The following MND1 variants were observed in gnomAD, a reference collection of about 807,000 sequenced individuals.
MND1 encodes meiotic nuclear divisions 1.
In MND1, 28 loss-of-function variants were observed where a neutral mutation model predicts 35.1. That is an observed-to-expected ratio of 0.80 (90% confidence interval 0.59 to 1.09). The LOEUF (loss-of-function observed/expected upper bound fraction) is 1.09. MND1 is among the 50% of genes least tolerant of loss of function. The pLI is 0.00. For missense variants in MND1, 213 were observed against 239.6 expected, an observed-to-expected ratio of 0.89 and a Z score of 0.73; for synonymous variants, 69 against 70.5, an observed-to-expected ratio of 0.98 and a Z score of 0.11.
At chr4:153,410,631 T>TA (rs1364020077) in intron 7 of MND1, among the ~76,000 whole-genome samples, 1 of 152,208 alleles carries the variant, frequency 6.6e-6, no homozygotes, top group Non-Finnish European at 1.5e-5. Context: ...CATATAGCTT[T>TA]TAAAGTTTGT....
At chr4:153,380,446 G>T (rs1039356152) in intron 4 of MND1, among the ~76,000 whole-genome samples, 2 of 152,220 alleles carry the variant, frequency 1.3e-5, no homozygotes, top group Non-Finnish European at 2.9e-5. Context: ...AAGTATCCCA[G>T]AATGTCTCCT....
chr4:153,359,573 T>C (rs1773429177), intron 4 of MND1, among the ~76,000 whole-genome samples: 2 of 152,216 alleles, frequency 1.3e-5, no homozygotes, highest in South Asian at 4.1e-4. Context: ...GATTGTATGG[T>C]AAGTTTATGT....
chr4:153,350,203 T>C, intron 2 of MND1, 74 bp downstream of exon 2: 1 of 1,054,478 alleles, frequency 9.5e-7, no homozygotes, highest in South Asian at 1.4e-5. Context: ...ATGTTAACTG[T>C]CCCCTCTTTG....
intron 3 of MND1, among the ~76,000 whole-genome samples, chr4:153,355,976 T>C (rs1293776754): frequency 6.6e-6 from 1 of 152,206 alleles, no homozygotes; most frequent in African/African-American, 2.4e-5. Context: ...AATGATTGTA[T>C]AGTATCCCAT....
At chr4:153,391,265 G>A (rs973396968) in intron 4 of MND1, among the ~76,000 whole-genome samples, 1 of 152,020 alleles carries the variant, frequency 6.6e-6, no homozygotes, top group African/African-American at 2.4e-5. Flanking sequence ...CCAGGTTCAA[G>A]CGATTCTTGT....
intron 4 of MND1, among the ~76,000 whole-genome samples, chr4:153,388,831 A>G (rs915596423): frequency 1.3e-5 from 2 of 152,152 alleles, no homozygotes; most frequent in African/African-American, 4.8e-5. Context: ...CAAGAAGAAC[A>G]AGAATATACT....
intron 4 of MND1, among the ~76,000 whole-genome samples, chr4:153,390,674 C>T (rs998327586): frequency 6.6e-6 from 1 of 151,958 alleles, no homozygotes; most frequent in Non-Finnish European, 1.5e-5. Flanking sequence ...TGACAAAGTT[C>T]ATCTCTACAA....
intron 4 of MND1, among the ~76,000 whole-genome samples, chr4:153,362,290 T>C (rs1344109401): frequency 6.6e-6 from 1 of 152,144 alleles, no homozygotes; most frequent in African/African-American, 2.4e-5. Flanking sequence ...GTGTTGGAGG[T>C]GGGGCCTGAT....
intron 4 of MND1, among the ~76,000 whole-genome samples, chr4:153,378,944 T>C (rs140990858): frequency 6.6e-6 from 1 of 152,328 alleles, no homozygotes; most frequent in Non-Finnish European, 1.5e-5. Flanking sequence ...TGATTTAGCA[T>C]ACTTTAAATT....
At chr4:153,355,621 T>C in intron 2 of MND1, 33 bp from the exon 3 acceptor site, 1 of 1,370,876 alleles carries the variant, frequency 7.3e-7, no homozygotes, top group Non-Finnish European at 1.0e-6. Context: ...AATAAACACG[T>C]GCTTTTCATT....
At chr4:153,408,361 G>T (rs1393004590) in intron 6 of MND1, among the ~76,000 whole-genome samples, 1 of 152,116 alleles carries the variant, frequency 6.6e-6, no homozygotes, top group South Asian at 2.1e-4. Context: ...AATTAAAAAT[G>T]CCATCATTGT....
chr4:153,410,571 A>C (rs78623968), intron 7 of MND1, among the ~76,000 whole-genome samples: 10,553 of 152,250 alleles, frequency 0.069, 630 homozygotes, highest in African/African-American at 0.16. Context: ...GGTAAAATCA[A>C]TATAATTGGC....
At chr4:153,385,508 G>A (rs1728828080) in intron 4 of MND1, among the ~76,000 whole-genome samples, 1 of 151,962 alleles carries the variant, frequency 6.6e-6, no homozygotes, top group Non-Finnish European at 1.5e-5. Flanking sequence ...TTGACTCCAG[G>A]GGTTCAGGAC....
Position 153,355,644 on chromosome 4 carries a change from C to A in MND1, c.70-10C>A. Reference sequence around the variant, plus strand: ...CGTGCTTTTCATTTTCTTTAAAACCCTTTAAACAGAAAGATGTATTTCAAT... The same window carrying A: ...CGTGCTTTTCATTTTCTTTAAAACCATTTAAACAGAAAGATGTATTTCAAT... On this transcript the variant is annotated splice_polypyrimidine_tract_variant and intron_variant, in intron 2 of 7. Coordinates refer to ENST00000240488, the MANE Select transcript of MND1 (RefSeq NM_032117.4). 2 of 1,557,466 alleles carry A rather than the reference C, an allele frequency of 1.3e-6. No homozygotes were observed. The highest frequency in any genetic ancestry group is 1.1e-5 in the South Asian group (1 of 87,756).
chr4:153,352,746 T>TAA (rs56770218), intron 2 of MND1, among the ~76,000 whole-genome samples: 110 of 114,958 alleles, frequency 9.6e-4, no homozygotes, highest in East Asian at 3.6e-3. Flanking sequence ...GACCCTATCT[T>TAA]AAAAAAAAAA....
intron 4 of MND1, among the ~76,000 whole-genome samples, chr4:153,373,667 T>C (rs1195187400): frequency 2.0e-5 from 3 of 152,182 alleles, no homozygotes; most frequent in Non-Finnish European, 2.9e-5. Context: ...CTGACACACC[T>C]GCTCATAAGT....
chr4:153,366,997 C>CT (rs1447597377), intron 4 of MND1, among the ~76,000 whole-genome samples: 4 of 152,130 alleles, frequency 2.6e-5, no homozygotes, highest in African/African-American at 9.7e-5. Context: ...GGTAGCCTGT[C>CT]TTTCCATTCT....
Position 153,415,000 on chromosome 4 carries a change from G to A in MND1, c.*143G>A. On this transcript the variant is annotated 3_prime_UTR_variant, in exon 8 of 8. Coordinates refer to ENST00000240488, the MANE Select transcript of MND1 (RefSeq NM_032117.4). Reference sequence around the variant, plus strand: ...GTTAAATAAAGTGTAAAATGCAGATGTTCTTCACCCCTTTTGGTAGAACAA... The same window carrying A: ...GTTAAATAAAGTGTAAAATGCAGATATTCTTCACCCCTTTTGGTAGAACAA... 2.4e-6 allele frequency: 1 copy of A among 415,550 alleles called. No homozygotes were observed. Among genetic ancestry groups the A allele is most frequent in the Non-Finnish European group, 4.4e-6 (1 of 226,854 alleles). The allele number at this position is 415,550 out of a possible 1,614,324, so 25.7% of individuals were successfully genotyped here.
chr4:153,356,598 T>G (rs1452644589), intron 3 of MND1, among the ~76,000 whole-genome samples: 1 of 151,030 alleles, frequency 6.6e-6, no homozygotes, highest in Non-Finnish European at 1.5e-5. Flanking sequence ...ATCTGAAGTT[T>G]TAGATACAGA....
Sources: allele counts gnomAD v4.1 joint callset (sites outside exome capture counted in the v4.1 genomes callset), GRCh38; gene constraint gnomAD v4.1.1; transcripts MANE v1.5; gene names NCBI Gene and HGNC (gene_info 2026-07-23, HGNC 2026-07-21).